CPO: variants seen among roughly 807,000 people sequenced by gnomAD.
CPO encodes metallocarboxypeptidase C.
Under a neutral mutation model 41.2 loss-of-function variants are expected in CPO, and 43 were observed. The observed-to-expected ratio is 1.04, with a 90% CI of 0.82 to 1.35. The LOEUF (loss-of-function observed/expected upper bound fraction) is 1.35, where lower values mean the gene tolerates loss of function less well. Ranked by LOEUF, CPO falls within the 40% of genes most tolerant of loss-of-function variation. The pLI is 0.00. For synonymous variants in CPO, 178 were observed against 162.7 expected (o/e 1.09, Z -0.72); for missense variants, 408 against 451.7 (o/e 0.90, Z 0.88).
intron 2 of CPO, among the ~76,000 whole-genome samples, chr2:206,951,888 C>G (rs1693270841): frequency 6.6e-6 from 1 of 152,204 alleles, no homozygotes; most frequent in Non-Finnish European, 1.5e-5. Flanking sequence ...TTGTAGCTCT[C>G]TCAAGACATA....
intron 2 of CPO, among the ~76,000 whole-genome samples, chr2:206,953,683 T>C (rs762926104): frequency 2.6e-5 from 4 of 152,230 alleles, no homozygotes; most frequent in Admixed American, 1.3e-4. Context: ...ACAGCTCTAC[T>C]AGGCAGTGCC....
At chr2:206,957,392 A>G (rs545302293) in intron 3 of CPO, among the ~76,000 whole-genome samples, 1 of 151,724 alleles carries the variant, frequency 6.6e-6, no homozygotes, top group Admixed American at 6.6e-5. Flanking sequence ...AAAAAAAAAG[A>G]GAACATTAAG....
chr2:206,962,786 C>T (rs75527753), intron 7 of CPO, among the ~76,000 whole-genome samples, 172 bp downstream of exon 7: 118 of 152,290 alleles, frequency 7.7e-4, no homozygotes, highest in African/African-American at 2.7e-3. Context: ...GGGAAGGCTT[C>T]GGGTTAAATG....
At chr2:206,946,689 A>G (rs574343688) in intron 1 of CPO, among the ~76,000 whole-genome samples, 8 of 152,296 alleles carry the variant, frequency 5.3e-5, no homozygotes, top group Admixed American at 2.6e-4. Flanking sequence ...TGAAGATGAC[A>G]TGATTATCAA....
intron 6 of CPO, among the ~76,000 whole-genome samples, chr2:206,961,159 C>A (rs563871551): frequency 1.3e-5 from 2 of 152,154 alleles, no homozygotes; most frequent in East Asian, 1.9e-4. Flanking sequence ...GCTGGCTAAA[C>A]AAGAAAAAAG....
chr2:206,958,496 T>C, intron 4 of CPO, 91 bp downstream of exon 4: 1 of 664,462 alleles, frequency 1.5e-6, no homozygotes, highest in Non-Finnish European at 2.7e-6. Flanking sequence ...TTCTTTCACA[T>C]GTTAGTGATG....
At chr2:206,959,398 G>A (rs1693436127) in intron 4 of CPO, among the ~76,000 whole-genome samples, 1 of 152,282 alleles carries the variant, frequency 6.6e-6, no homozygotes, top group South Asian at 2.1e-4. Flanking sequence ...GGAGGTGAAT[G>A]GGGTAAGGGA....
intron 2 of CPO, among the ~76,000 whole-genome samples, chr2:206,949,920 T>A (rs563224367): frequency 6.6e-6 from 1 of 152,246 alleles, no homozygotes; most frequent in Non-Finnish European, 1.5e-5. Context: ...TATGAAATTT[T>A]AAAAAATTAA....
chr2:206,963,882 C>T (rs183290750), intron 7 of CPO, among the ~76,000 whole-genome samples: 1 of 152,102 alleles, frequency 6.6e-6, no homozygotes, highest in Non-Finnish European at 1.5e-5. Flanking sequence ...GATCACATGG[C>T]AATTCTATTT....
intron 4 of CPO, among the ~76,000 whole-genome samples, chr2:206,958,989 C>T (rs1693428310): frequency 6.6e-6 from 1 of 151,942 alleles, no homozygotes. Flanking sequence ...GATCCACCTA[C>T]CTCGGTCTCC....
intron 3 of CPO, 96 bp downstream of exon 3, chr2:206,955,660 G>A (rs1693345103): frequency 3.8e-6 from 3 of 779,906 alleles, no homozygotes; most frequent in Admixed American, 1.9e-5. Flanking sequence ...GTGGAAAAGA[G>A]GCTATGCAGA....
At chr2:206,959,862 C>A (rs1051372338) in intron 5 of CPO, 121 bp downstream of exon 5, 2 of 528,760 alleles carry the variant, frequency 3.8e-6, no homozygotes, top group South Asian at 3.5e-5. Context: ...AAGAAAGGAA[C>A]CCCATTTGGG....
chr2:206,956,304 A>G (rs563258430), intron 3 of CPO, among the ~76,000 whole-genome samples: 1 of 152,280 alleles, frequency 6.6e-6, no homozygotes, highest in Admixed American at 6.5e-5. Flanking sequence ...TCAGGATGGG[A>G]CCAGGCATAC....
chr2:206,961,671 C>G (rs371117322), intron 6 of CPO, among the ~76,000 whole-genome samples: 5 of 152,156 alleles, frequency 3.3e-5, no homozygotes, highest in African/African-American at 9.6e-5. Flanking sequence ...CTAAATAGCT[C>G]TAATGAGACT....
chr2:206,953,998 G>A (rs181045874), intron 2 of CPO, among the ~76,000 whole-genome samples: 1 of 152,302 alleles, frequency 6.6e-6, no homozygotes, highest in African/African-American at 2.4e-5. Flanking sequence ...CTAGGACACA[G>A]AGCACCAAGT....
intron 4 of CPO, 87 bp downstream of exon 4, chr2:206,958,492 C>T (rs1303465866): frequency 2.9e-6 from 2 of 688,744 alleles, no homozygotes; most frequent in Admixed American, 2.5e-5. Context: ...ACGCTTCTTT[C>T]ACATGTTAGT....
intron 4 of CPO, among the ~76,000 whole-genome samples, chr2:206,958,727 A>AG (rs1693419556): frequency 1.0e-4 from 5 of 47,794 alleles, no homozygotes; most frequent in Non-Finnish European, 2.3e-4. Context: ...CAAATTTTCT[A>AG]GTTTTTTTTT....
chr2:206,962,997 T>C (rs1305414290), intron 7 of CPO, among the ~76,000 whole-genome samples: 3 of 152,244 alleles, frequency 2.0e-5, no homozygotes, highest in African/African-American at 7.2e-5. Context: ...CAGCTGTTAG[T>C]GGAATATGGC....
At chr2:206,955,616 A>G in intron 3 of CPO, 52 bp downstream of exon 3, 2 of 993,590 alleles carry the variant, frequency 2.0e-6, no homozygotes, top group Non-Finnish European at 3.3e-6. Flanking sequence ...CCAGGAGGAT[A>G]TGTGTTTACT....
Sources: gnomAD v4.1 joint callset for allele counts (sites outside exome capture counted in the v4.1 genomes callset) on GRCh38, gnomAD v4.1.1 for gene constraint, MANE v1.5 for transcripts, NCBI Gene and HGNC (gene_info 2026-07-23, HGNC 2026-07-21) for gene names.